Variants in PHLPP1 observed in about 807,000 individuals in gnomAD.
The protein encoded by PHLPP1 is PH domain leucine-rich repeat-containing protein phosphatase 1.
Under a neutral mutation model 117.2 loss-of-function variants are expected in PHLPP1, and 42 were observed. That is an observed-to-expected ratio of 0.36 (90% CI 0.28 to 0.46). PHLPP1 has a LOEUF of 0.46. Among genes scored for constraint, PHLPP1 ranks in the 20% least tolerant of loss-of-function variants. The pLI is 1.00. For synonymous variants in PHLPP1, 1,042 were observed against 970.7 expected, an observed-to-expected ratio of 1.07 and a Z score of -1.37; for missense variants, 2,084 against 2,241.9, an observed-to-expected ratio of 0.93 and a Z score of 1.42.
At chr18:62,920,161 T>G (rs1679707277) in intron 10 of PHLPP1, 47 bp downstream of exon 10, 1 of 1,525,288 alleles carries the variant, frequency 6.6e-7, no homozygotes, top group Non-Finnish European at 9.0e-7. Flanking sequence ...AAATATTCCC[T>G]CATTTGTATC....
intron 1 of PHLPP1, among the ~76,000 whole-genome samples, chr18:62,725,310 A>G (rs1274060258): frequency 1.3e-5 from 2 of 151,696 alleles, no homozygotes; most frequent in Non-Finnish European, 2.9e-5. Context: ...CAGTGAGCCA[A>G]CATTGCACCA....
intron 4 of PHLPP1, among the ~76,000 whole-genome samples, chr18:62,889,204 C>T (rs1047711715): frequency 6.6e-6 from 1 of 152,070 alleles, no homozygotes; most frequent in Non-Finnish European, 1.5e-5. Context: ...ATGTCCTTCT[C>T]TGGGAAGAGT....
chr18:62,826,725 G>A (rs1291500888), intron 1 of PHLPP1, among the ~76,000 whole-genome samples: 2 of 152,104 alleles, frequency 1.3e-5, no homozygotes, highest in Non-Finnish European at 2.9e-5. Context: ...GAGGCCATCC[G>A]GGCGCGGTGG....
chr18:62,749,117 T>G (rs1220184406), intron 1 of PHLPP1, among the ~76,000 whole-genome samples: 2 of 152,152 alleles, frequency 1.3e-5, no homozygotes, highest in Admixed American at 1.3e-4. Flanking sequence ...TTCTCTAGTG[T>G]TTTTGCTTTC....
intron 10 of PHLPP1, among the ~76,000 whole-genome samples, chr18:62,934,603 A>G (rs1054441080): frequency 3.3e-5 from 5 of 152,180 alleles, no homozygotes; most frequent in African/African-American, 1.2e-4. Context: ...AAAACTACCT[A>G]TTGGGTACTA....
chr18:62,945,262 A>G lies in PHLPP1; in HGVS notation c.3315A>G (p.Pro1105=), dbSNP rs764079506. 2 of 1,602,464 alleles carry G rather than the reference A, an allele frequency of 1.2e-6. No homozygotes were observed. The highest frequency in any genetic ancestry group is 2.3e-5 in the South Asian group (2 of 88,162). Residue 1105 remains proline (P), a synonymous_variant, in exon 12 of 17, where the codon CCA becomes CCG. Coordinates refer to ENST00000262719, the MANE Select transcript of PHLPP1 (RefSeq NM_194449.4). ...IEVFPEVMQL[P]EIKCVDLSCN... is the part of the protein sequence containing the mutation. ...TCTTTCCCGAAGTTATGCAGCTCCCAGAGATCAAGGTATGTGGTTTCATTT... is the reference window on the plus strand; with the variant it reads ...TCTTTCCCGAAGTTATGCAGCTCCCGGAGATCAAGGTATGTGGTTTCATTT...
chr18:62,716,351 T>C lies in PHLPP1; in HGVS notation c.668T>C (p.Leu223Pro). The change falls in exon 1 of 17, where the codon CTG becomes CCG. Residue 223 changes from leucine (L) to proline (P), a missense_variant. Around this residue, in one of 2 missense-constraint regions of PHLPP1, gnomAD observed 719 missense variants for 636.0 expected, o/e 1.13. Coordinates refer to ENST00000262719, the MANE Select transcript of PHLPP1 (RefSeq NM_194449.4). The surrounding 1 kb of genome is among the most constrained non-coding windows in gnomAD (Gnocchi z 5.7). The part of the protein sequence containing the change: ...STYLRPVLCT[L>P]DTTAGEVAAR... ...TACCTGCGCCCGGTGCTCTGCACACTGGACACCACGGCCGGCGAGGTGGCC... is the reference window on the plus strand; with the variant it reads ...TACCTGCGCCCGGTGCTCTGCACACCGGACACCACGGCCGGCGAGGTGGCC... The C allele has an allele frequency of 6.7e-7, 1 of 1,500,898 alleles. No homozygotes were observed. The highest frequency in any genetic ancestry group is 1.2e-5 in the South Asian group (1 of 80,722). The allele number at this position is 1,500,898 out of a possible 1,614,324, so 93.0% of individuals were successfully genotyped here.
rs1252203289 is a variant in PHLPP1, at chr18:62,860,489, C to T, written c.1954C>T (p.Leu652=). 7.4e-6 allele frequency: 12 copies of T among 1,613,830 alleles called. No homozygotes were observed. The highest frequency in any genetic ancestry group is 1.3e-5 in the African/African-American group (1 of 74,926). ...CCTCTCGTGTTGTAGCCTGGAACAT[C>T]TGCCTGCCAACCTCTTCTACAGCCA... ...VDLSCCSLEH[L]PANLFYSQDL... Residue 652 remains leucine, a synonymous_variant, in exon 4 of 17, where the codon CTG becomes TTG. Transcript: ENST00000262719.
chr18:62,794,370 A>G (rs1599050856), intron 1 of PHLPP1, among the ~76,000 whole-genome samples: 1 of 148,282 alleles, frequency 6.7e-6, no homozygotes, highest in South Asian at 2.1e-4. Flanking sequence ...TTTAATTATT[A>G]CTTTTTTTTT....
chr18:62,724,843 T>C (rs1911022566), intron 1 of PHLPP1, among the ~76,000 whole-genome samples: 1 of 152,170 alleles, frequency 6.6e-6, no homozygotes, highest in Admixed American at 6.5e-5. Flanking sequence ...AGAGAGAAAT[T>C]AGATTTCATC....
intron 9 of PHLPP1, among the ~76,000 whole-genome samples, chr18:62,916,605 G>GGGGGGTGTGTGTGTGT (rs1555681660): frequency 2.1e-5 from 3 of 145,768 alleles, no homozygotes; most frequent in Admixed American, 6.9e-5. Flanking sequence ...CAAGAGGGTG[G>GGGGGGTGTGTGTGTGT]GTGTGTGTGT....
At chr18:62,939,561 T>G (rs533341847) in intron 10 of PHLPP1, among the ~76,000 whole-genome samples, 3 of 152,296 alleles carry the variant, frequency 2.0e-5, no homozygotes, top group African/African-American at 7.2e-5. Context: ...GGAGTGACCT[T>G]TATTTCCTTC....
chr18:62,900,377 G>GGCT, intron 6 of PHLPP1, among the ~76,000 whole-genome samples: 1 of 148,912 alleles, frequency 6.7e-6, no homozygotes, highest in East Asian at 2.0e-4. Context: ...ACATCATGGT[G>GGCT]ACTGTGGTCA....
At chr18:62,830,644 T>A (rs573542742) in intron 2 of PHLPP1, among the ~76,000 whole-genome samples, 1 of 152,342 alleles carries the variant, frequency 6.6e-6, no homozygotes, top group Non-Finnish European at 1.5e-5. Flanking sequence ...TCTGAGGTCT[T>A]ATTCAGTTCC....
At chr18:62,861,546 T>TTATA in intron 4 of PHLPP1, among the ~76,000 whole-genome samples, 1 of 152,352 alleles carries the variant, frequency 6.6e-6, no homozygotes, top group South Asian at 2.1e-4. Context: ...CCTTTGATAC[T>TTATA]TATATATTTG....
chr18:62,942,759 T>A (rs1303722885), intron 11 of PHLPP1, among the ~76,000 whole-genome samples: 2 of 152,058 alleles, frequency 1.3e-5, no homozygotes, highest in Non-Finnish European at 2.9e-5. Flanking sequence ...TTCTGCTTGG[T>A]AACTGCAACT....
intron 4 of PHLPP1, among the ~76,000 whole-genome samples, chr18:62,888,044 C>T (rs1007876200): frequency 6.6e-6 from 1 of 152,180 alleles, no homozygotes; most frequent in Non-Finnish European, 1.5e-5. Context: ...TTAAAAGCCA[C>T]AGGTTTCTTG....
At chr18:62,876,306 A>G (rs969644518) in intron 4 of PHLPP1, among the ~76,000 whole-genome samples, 2 of 152,070 alleles carry the variant, frequency 1.3e-5, no homozygotes, top group African/African-American at 4.8e-5. Context: ...ATGTGCCCCA[A>G]CTTTTACCTT....
intron 10 of PHLPP1, among the ~76,000 whole-genome samples, chr18:62,931,860 A>G (rs546339458): frequency 2.8e-4 from 38 of 133,572 alleles, no homozygotes; most frequent in Non-Finnish European, 4.6e-4. Flanking sequence ...GCGCCACTGC[A>G]CTCCAGCCTG....
Sources: allele counts gnomAD v4.1 joint callset (sites outside exome capture counted in the v4.1 genomes callset), GRCh38; gene constraint gnomAD v4.1.1; regional missense constraint gnomAD v4.1.1; non-coding constraint Gnocchi (gnomAD v3.1); transcripts MANE v1.5; gene names NCBI Gene and HGNC (gene_info 2026-07-23, HGNC 2026-07-21).